The following PRAG1 variants were observed in gnomAD, a reference collection of about 807,000 sequenced individuals.
PRAG1 encodes the protein PEAK1 related, kinase-activating pseudokinase 1, also known as inactive tyrosine-protein kinase PRAG1.
PRAG1 carries 110 observed loss-of-function variants against 95.6 expected under a neutral mutation model. That is an observed-to-expected ratio of 1.15 (90% CI 0.99 to 1.35). The LOEUF (loss-of-function observed/expected upper bound fraction) is 1.35. PRAG1 is among the 40% of genes most tolerant of loss of function. The pLI is 0.00. For synonymous variants in PRAG1, 1,052 were observed against 819.4 expected (o/e 1.28, Z -4.85); for missense variants, 2,554 against 1,864.7 (o/e 1.37, Z -6.81).
At chr8:8,332,163 ATTT>A (rs35335829) in intron 4 of PRAG1, among the ~76,000 whole-genome samples, 4,786 of 136,824 alleles carry the variant, frequency 0.035, 251 homozygotes, top group African/African-American at 0.12. Context: ...ACATATTACG[ATTT>A]TTTTTTTTTT....
chr8:8,356,786 T>C (rs953335332), intron 3 of PRAG1, among the ~76,000 whole-genome samples: 1 of 152,124 alleles, frequency 6.6e-6, no homozygotes, highest in Non-Finnish European at 1.5e-5. Context: ...ATTTCAAAAC[T>C]GATACAAAAC....
At chr8:8,372,150 A>C (rs972405327) in intron 3 of PRAG1, among the ~76,000 whole-genome samples, 1 of 152,146 alleles carries the variant, frequency 6.6e-6, no homozygotes, top group Non-Finnish European at 1.5e-5. Context: ...ATCTGTGAAA[A>C]AGCAAAAGGC....
chr8:8,369,477 C>T, intron 3 of PRAG1, among the ~76,000 whole-genome samples: 1 of 152,144 alleles, frequency 6.6e-6, no homozygotes, highest in Non-Finnish European at 1.5e-5. Flanking sequence ...CTTTTTTCTT[C>T]AACATTTCTT....
At chr8:8,337,707 G>T (rs1414159211) in intron 4 of PRAG1, among the ~76,000 whole-genome samples, 1 of 152,154 alleles carries the variant, frequency 6.6e-6, no homozygotes, top group East Asian at 1.9e-4. Context: ...GGAATACCAC[G>T]ACAATATATT....
intron 4 of PRAG1, among the ~76,000 whole-genome samples, chr8:8,337,402 A>T (rs1256734756): frequency 6.6e-6 from 1 of 152,236 alleles, no homozygotes; most frequent in Non-Finnish European, 1.5e-5. Flanking sequence ...AGGATTTCTC[A>T]TATTACATGA....
intron 1 of PRAG1, among the ~76,000 whole-genome samples, chr8:8,384,497 A>T (rs1355646065): frequency 6.6e-6 from 1 of 151,338 alleles, no homozygotes. Flanking sequence ...GAAGTCATTG[A>T]ATAAGAAAAG....
At chr8:8,346,973 A>T (rs1799363698) in intron 3 of PRAG1, among the ~76,000 whole-genome samples, 1 of 152,234 alleles carries the variant, frequency 6.6e-6, no homozygotes, top group Non-Finnish European at 1.5e-5. Flanking sequence ...ATACACTAGT[A>T]AGTTTAGTAA....
In PRAG1 at chr8:8,328,440, T is replaced by G; in HGVS notation, c.2342A>C (p.His781Pro). Residue 781 changes from histidine to proline, a missense_variant, in exon 5 of 6, where the codon CAC becomes CCC. Coordinates refer to ENST00000615670, the MANE Select transcript of PRAG1 (RefSeq NM_001080826.3). ...CTTCTTCCCGCTGTTGGTGGGCGAG[T>G]GAGCCAGCTCAGACGAGGGACCTGA... Reference protein sequence around the residue: ...SDGGPSSELAHSPTNSGKKLF... With the variant: ...SDGGPSSELAPSPTNSGKKLF... 6.2e-7 allele frequency: 1 copy of G among 1,613,464 alleles called. No individual in the cohort carries two copies. Among genetic ancestry groups the G allele is most frequent in the South Asian group, 1.1e-5 (1 of 91,060 alleles).
Position 8,376,941 on chromosome 8 carries a change from G to C in PRAG1, c.1468C>G (p.Leu490Val), listed in dbSNP as rs1351574027. 1.2e-6 allele frequency: 2 copies of C among 1,613,446 alleles called. No individual in the cohort carries two copies. The highest frequency in any genetic ancestry group is 2.2e-5 in the South Asian group (2 of 91,092). ...HPEEDHRTIY[L>V]SSPDSAVGVQ... is the part of the protein sequence containing the mutation. Reference sequence around the variant, plus strand: ...CCCACTGCAGAGTCAGGGCTGCTCAGGTAGATCGTCCGATGGTCCTCTTCC... The same window carrying C: ...CCCACTGCAGAGTCAGGGCTGCTCACGTAGATCGTCCGATGGTCCTCTTCC... Residue 490 changes from leucine to valine, a missense_variant, in exon 3 of 6, where the codon CTG (leucine) becomes GTG (valine). Coordinates refer to ENST00000615670, the MANE Select transcript of PRAG1 (RefSeq NM_001080826.3).
intron 5 of PRAG1, among the ~76,000 whole-genome samples, chr8:8,320,319 T>C (rs1798433364): frequency 6.6e-6 from 1 of 151,938 alleles, no homozygotes; most frequent in Non-Finnish European, 1.5e-5. Flanking sequence ...GAGATGAAGG[T>C]AGGAAAAACA....
intron 3 of PRAG1, among the ~76,000 whole-genome samples, chr8:8,375,992 G>C (rs1211066378): frequency 6.6e-6 from 1 of 152,168 alleles, no homozygotes; most frequent in East Asian, 1.9e-4. Flanking sequence ...AATGGCAACA[G>C]CTTGGTGAAA....
chr8:8,352,450 T>C (rs1046270408), intron 3 of PRAG1, among the ~76,000 whole-genome samples: 1 of 152,274 alleles, frequency 6.6e-6, no homozygotes, highest in Admixed American at 6.5e-5. Flanking sequence ...TCATACTACC[T>C]CTCAGGGCTC....
chr8:8,318,914 A>C lies in PRAG1; in HGVS notation c.3461T>G (p.Val1154Gly). The C allele has an allele frequency of 1.2e-6, 2 of 1,607,764 alleles. No homozygotes were observed. The highest frequency in any genetic ancestry group is 2.2e-5 in the South Asian group (2 of 90,570). The stretch of plus-strand genomic sequence containing the variant: ...GGGGCCGGCCTGGAGGGTGCAGTGC[A>C]CCAGCAGCAGGTTCTCCAGGCACAG... ...RDLCLENLLL[V>G]HCTLQAGPGP... The change falls in exon 6 of 6, where the codon GTG (valine) becomes GGG (glycine). Residue 1154 changes from valine (V) to glycine (G), a missense_variant. Physicochemically the swap from Val to Gly is moderately radical, Grantham distance 109. Transcript: ENST00000615670. The surrounding 1 kb of genome is among the most constrained non-coding windows in gnomAD (Gnocchi z 4.2).
At chr8:8,365,181 G>C (rs1196129628) in intron 3 of PRAG1, among the ~76,000 whole-genome samples, 1 of 152,138 alleles carries the variant, frequency 6.6e-6, no homozygotes, top group Non-Finnish European at 1.5e-5. Context: ...ACTATAAGTA[G>C]TATGTGTTAG....
intron 5 of PRAG1, among the ~76,000 whole-genome samples, chr8:8,323,961 G>T (rs1249411555): frequency 6.6e-6 from 1 of 152,284 alleles, no homozygotes; most frequent in Non-Finnish European, 1.5e-5. Context: ...GAAGATGGAC[G>T]GTATTTATCT....
At chr8:8,342,508 A>AT (rs1434437314) in intron 3 of PRAG1, among the ~76,000 whole-genome samples, 2 of 152,058 alleles carry the variant, frequency 1.3e-5, no homozygotes, top group African/African-American at 4.8e-5. Flanking sequence ...ATCTCAGGTA[A>AT]TTTTTATAAG....
At chr8:8,347,199 C>T (rs1021057966) in intron 3 of PRAG1, among the ~76,000 whole-genome samples, 1 of 152,198 alleles carries the variant, frequency 6.6e-6, no homozygotes, top group African/African-American at 2.4e-5. Context: ...TCAGTGAGGC[C>T]TCCCCGGCCT....
chr8:8,371,492 C>A (rs1229738249), intron 3 of PRAG1, among the ~76,000 whole-genome samples: 1 of 151,986 alleles, frequency 6.6e-6, no homozygotes, highest in Non-Finnish European at 1.5e-5. Flanking sequence ...ATCTCCTGAC[C>A]TCGTGATCCA....
At chr8:8,325,525 T>C (rs977463628) in intron 5 of PRAG1, among the ~76,000 whole-genome samples, 1 of 152,192 alleles carries the variant, frequency 6.6e-6, no homozygotes, top group African/African-American at 2.4e-5. Context: ...AAATTTCTTT[T>C]GTGTTGTTTA....
Sources: allele counts gnomAD v4.1 joint callset (sites outside exome capture counted in the v4.1 genomes callset), GRCh38; gene constraint gnomAD v4.1.1; non-coding constraint Gnocchi (gnomAD v3.1); transcripts MANE v1.5; gene names NCBI Gene and HGNC (gene_info 2026-07-23, HGNC 2026-07-21).